Variants in PCDH15 observed in about 807,000 individuals in gnomAD.
PCDH15 encodes protocadherin-15.
In PCDH15, 129 loss-of-function variants were observed where a neutral mutation model predicts 178.5. That is an observed-to-expected ratio of 0.72 (90% CI 0.63 to 0.84). PCDH15 has a LOEUF of 0.84. Ranked by LOEUF, PCDH15 falls within the 40% of genes least tolerant of loss-of-function variation. The pLI is 0.00. For synonymous variants in PCDH15, 800 were observed against 732.0 expected (o/e 1.09, Z -1.50); for missense variants, 2,230 against 2,099.9 (o/e 1.06, Z -1.21).
intron 8 of PCDH15, among the ~76,000 whole-genome samples, chr10:54,262,872 G>T (rs989208586): frequency 6.6e-4 from 100 of 152,052 alleles, no homozygotes; most frequent in Admixed American, 1.5e-3. Flanking sequence ...AAGCCTAGTT[G>T]GTTGGGCTTG....
At chr10:54,970,957 T>C (rs1017237943) in intron 2 of PCDH15, among the ~76,000 whole-genome samples, 3 of 152,180 alleles carry the variant, frequency 2.0e-5, no homozygotes, top group African/African-American at 7.2e-5. Flanking sequence ...ACTTGTTTGA[T>C]TTCACAGGTT....
intron 2 of PCDH15, among the ~76,000 whole-genome samples, chr10:55,607,630 C>T (rs1333732292): frequency 4.0e-5 from 6 of 148,550 alleles, no homozygotes; most frequent in Non-Finnish European, 8.9e-5. Flanking sequence ...TCATCATTCT[C>T]AGTAAACTAT....
intron 2 of PCDH15, among the ~76,000 whole-genome samples, chr10:54,924,824 C>A (rs1837577983): frequency 6.6e-6 from 1 of 151,952 alleles, no homozygotes; most frequent in South Asian, 2.1e-4. Flanking sequence ...TGTTTAATTT[C>A]CTTAATTTGC....
chr10:54,484,131 G>A (rs749392942), intron 3 of PCDH15, among the ~76,000 whole-genome samples: 10 of 151,854 alleles, frequency 6.6e-5, no homozygotes, highest in Middle Eastern at 3.2e-3. Context: ...GGAACCCAAC[G>A]AGTGATGCCA....
At chr10:54,092,440 G>T (rs1434005847) in intron 15 of PCDH15, among the ~76,000 whole-genome samples, 1 of 151,600 alleles carries the variant, frequency 6.6e-6, no homozygotes. Context: ...TTCTCCCCCA[G>T]CTCCCCACCC....
intron 25 of PCDH15, among the ~76,000 whole-genome samples, chr10:53,930,837 G>A (rs945776001): frequency 1.3e-5 from 2 of 152,112 alleles, no homozygotes; most frequent in African/African-American, 2.4e-5. Flanking sequence ...TTCAACACCC[G>A]ATTAAAGCCT....
chr10:54,008,453 C>T (rs7086741), intron 20 of PCDH15, among the ~76,000 whole-genome samples: 32,385 of 151,966 alleles, frequency 0.21, 3,618 homozygotes, highest in East Asian at 0.38. Context: ...AGGTATGAGG[C>T]CCAGATACAG....
intron 3 of PCDH15, among the ~76,000 whole-genome samples, chr10:54,521,258 C>A (rs1565493520): frequency 6.6e-6 from 1 of 151,992 alleles, no homozygotes; most frequent in Non-Finnish European, 1.5e-5. Flanking sequence ...GTTTTTAAGT[C>A]ATTTATAATA....
At chr10:54,797,726 AATTGTTGTCCTTCGG>A (rs1232448895) in intron 1 of PCDH15, among the ~76,000 whole-genome samples, 1 of 152,046 alleles carries the variant, frequency 6.6e-6, no homozygotes. Context: ...CAAGGAAAAT[AATTGTTGTCCTTCGG>A]ACAGAATATG....
At chr10:55,299,813 G>A (rs1328223190) in intron 1 of PCDH15, among the ~76,000 whole-genome samples, 1 of 152,066 alleles carries the variant, frequency 6.6e-6, no homozygotes, top group Non-Finnish European at 1.5e-5. Flanking sequence ...GAAAGTTTTA[G>A]AGTTCTTCAC....
intron 1 of PCDH15, among the ~76,000 whole-genome samples, chr10:54,710,940 A>G (rs796646378): frequency 2.3e-4 from 35 of 152,078 alleles, no homozygotes; most frequent in African/African-American, 7.9e-4. Flanking sequence ...TGTTAATAAT[A>G]ATGCAGCAGG....
At chr10:54,383,702 C>T (rs184360588) in intron 3 of PCDH15, among the ~76,000 whole-genome samples, 75 of 146,724 alleles carry the variant, frequency 5.1e-4, no homozygotes, top group African/African-American at 1.7e-3. Flanking sequence ...AAACAATCTT[C>T]ATACCCCACT....
chr10:55,337,600 C>T (rs547273325), intron 2 of PCDH15, among the ~76,000 whole-genome samples: 1 of 152,242 alleles, frequency 6.6e-6, no homozygotes, highest in African/African-American at 2.4e-5. Context: ...CATTCTGATT[C>T]GGCAAAGTGT....
chr10:54,369,094 CAG>C (rs773507331), intron 5 of PCDH15, 24 bp downstream of exon 5: 7 of 1,610,838 alleles, frequency 4.3e-6, no homozygotes, highest in South Asian at 1.1e-5. Flanking sequence ...ACAGAAAGGA[CAG>C]AGAGAGAGTA....
At chr10:54,372,397 C>A (rs1947810393) in intron 4 of PCDH15, among the ~76,000 whole-genome samples, 1 of 151,834 alleles carries the variant, frequency 6.6e-6, no homozygotes, top group Non-Finnish European at 1.5e-5. Flanking sequence ...CTTTAGCTCC[C>A]TATGCAACTG....
chr10:54,842,687 A>G (rs1486479336), intron 3 of PCDH15, among the ~76,000 whole-genome samples: 5 of 151,872 alleles, frequency 3.3e-5, no homozygotes, highest in African/African-American at 1.2e-4. Context: ...TTATGTAACT[A>G]CAACAGCGAT....
chr10:54,406,036 T>C (rs772925834), intron 3 of PCDH15, among the ~76,000 whole-genome samples: 1 of 152,128 alleles, frequency 6.6e-6, no homozygotes, highest in Non-Finnish European at 1.5e-5. Context: ...GATGGAGCCT[T>C]ATAGAACATT....
intron 1 of PCDH15, among the ~76,000 whole-genome samples, chr10:55,257,434 G>A (rs1019896726): frequency 7.9e-5 from 12 of 152,076 alleles, no homozygotes; most frequent in Admixed American, 3.3e-4. Context: ...TGAGCTAAAG[G>A]AGGAAGTTCG....
chr10:54,773,940 T>C (rs1455718334), intron 1 of PCDH15, among the ~76,000 whole-genome samples: 1 of 150,952 alleles, frequency 6.6e-6, no homozygotes, highest in Non-Finnish European at 1.5e-5. Context: ...TGACAATCTG[T>C]TACTTAACAT....
Sources: gnomAD v4.1 joint callset for allele counts (sites outside exome capture counted in the v4.1 genomes callset) on GRCh38, gnomAD v4.1.1 for gene constraint, MANE v1.5 for transcripts, NCBI Gene and HGNC (gene_info 2026-07-23, HGNC 2026-07-21) for gene names.